The following DPP10 variants were observed in gnomAD, a reference collection of about 807,000 sequenced individuals.
DPP10 encodes the protein inactive dipeptidyl peptidase 10.
DPP10 carries 33 observed loss-of-function variants against 120.9 expected under a neutral mutation model. That is an observed-to-expected ratio of 0.27 (90% CI 0.21 to 0.37). The LOEUF (loss-of-function observed/expected upper bound fraction) is 0.37, where lower values mean the gene tolerates loss of function less well. DPP10 is among the 10% of genes least tolerant of loss of function. The pLI is 1.00. For missense variants in DPP10, 816 were observed against 942.8 expected (o/e 0.87, Z 1.76); for synonymous variants, 337 against 326.1 (o/e 1.03, Z -0.36).
intron 1 of DPP10, among the ~76,000 whole-genome samples, chr2:115,036,824 C>T (rs1202199180): frequency 6.6e-6 from 1 of 151,836 alleles, no homozygotes; most frequent in African/African-American, 2.4e-5. Flanking sequence ...GAAAGAAACT[C>T]CCAAATTTCT....
chr2:115,802,834 G>T (rs1217322387), intron 19 of DPP10, among the ~76,000 whole-genome samples: 3 of 152,144 alleles, frequency 2.0e-5, no homozygotes, highest in Admixed American at 6.5e-5. Context: ...ATTTGCTGAA[G>T]AGTGCTTTAC....
intron 4 of DPP10, among the ~76,000 whole-genome samples, chr2:115,506,262 T>C (rs1212109811): frequency 6.6e-6 from 1 of 152,142 alleles, no homozygotes; most frequent in Non-Finnish European, 1.5e-5. Flanking sequence ...ATTAGTATTT[T>C]AGTTTGCTTG....
intron 4 of DPP10, among the ~76,000 whole-genome samples, chr2:115,519,645 A>T (rs559346970): frequency 1.3e-5 from 2 of 152,162 alleles, no homozygotes; most frequent in East Asian, 1.9e-4. Flanking sequence ...TATAAAAGCT[A>T]TTTGCTTCTT....
chr2:114,927,710 G>T (rs1695740014), intron 1 of DPP10, among the ~76,000 whole-genome samples: 1 of 152,172 alleles, frequency 6.6e-6, no homozygotes, highest in Non-Finnish European at 1.5e-5. Context: ...TCCATTTTGT[G>T]TTGCAATAAA....
chr2:115,300,535 C>T (rs964622677), intron 1 of DPP10, among the ~76,000 whole-genome samples: 2 of 152,090 alleles, frequency 1.3e-5, no homozygotes, highest in African/African-American at 4.8e-5. Flanking sequence ...AATAATGCTT[C>T]TGTGAACAGA....
At chr2:115,150,777 A>G (rs1319815699) in intron 1 of DPP10, among the ~76,000 whole-genome samples, 1 of 152,248 alleles carries the variant, frequency 6.6e-6, no homozygotes, top group Non-Finnish European at 1.5e-5. Context: ...GTTCGTAAGC[A>G]TAAAATACAT....
At chr2:114,878,516 T>C (rs1691340884) in intron 1 of DPP10, among the ~76,000 whole-genome samples, 4 of 152,116 alleles carry the variant, frequency 2.6e-5, no homozygotes, top group Admixed American at 1.3e-4. Context: ...TATAGAACAC[T>C]AAAACTTATT....
At chr2:114,983,368 G>GTATTAACTTATTAATTATTA (rs1700204137) in intron 1 of DPP10, among the ~76,000 whole-genome samples, 1 of 152,060 alleles carries the variant, frequency 6.6e-6, no homozygotes, top group Non-Finnish European at 1.5e-5. Flanking sequence ...CTTATTAATG[G>GTATTAACTTATTAATTATTA]ATATTGAATT....
intron 3 of DPP10, among the ~76,000 whole-genome samples, chr2:115,394,096 A>C (rs150401547): frequency 1.3e-3 from 192 of 152,304 alleles, no homozygotes; most frequent in African/African-American, 4.4e-3. Context: ...CCGTTCATCA[A>C]ATATATAAAG....
intron 2 of DPP10, among the ~76,000 whole-genome samples, chr2:115,336,275 C>T (rs1170335092): frequency 6.6e-6 from 1 of 151,902 alleles, no homozygotes; most frequent in Non-Finnish European, 1.5e-5. Context: ...AAATAGAGCA[C>T]AGAAAAGAAC....
At chr2:114,818,212 C>T (rs571620916) in intron 1 of DPP10, among the ~76,000 whole-genome samples, 2 of 152,006 alleles carry the variant, frequency 1.3e-5, no homozygotes, top group African/African-American at 4.8e-5. Flanking sequence ...TGACCATTAT[C>T]AATAAAAATG....
chr2:115,392,726 A>G (rs2067402402), intron 3 of DPP10, among the ~76,000 whole-genome samples: 1 of 152,144 alleles, frequency 6.6e-6, no homozygotes, highest in African/African-American at 2.4e-5. Context: ...GATTTAAATT[A>G]CAATGAATTT....
rs13425992 is a variant in DPP10 at position 114,919,258 on chromosome 2, C to G, written c.61-389981C>G. Among the ~76,000 whole-genome samples, 1,359 of 152,188 alleles carry G rather than the reference C, an allele frequency of 8.9e-3. 19 individuals carry two copies. Among genetic ancestry groups the G allele is most frequent in the African/African-American group, 0.031 (1,307 of 41,528 alleles). On this transcript the variant is annotated intron_variant, in intron 1 of 25. Transcript: ENST00000410059. ...ATTATGCAATTGGATGTGCATATCT[C>G]TGGCTAGAAAAAAAATCAACTTGAA...
At chr2:115,817,247 A>G (rs776532089) in intron 21 of DPP10, among the ~76,000 whole-genome samples, 33 of 152,052 alleles carry the variant, frequency 2.2e-4, no homozygotes, top group Non-Finnish European at 3.7e-4. Flanking sequence ...ACTCCGTCTC[A>G]AAATAAAATA....
At chr2:114,617,636 T>C (rs1426980158) in intron 1 of DPP10, among the ~76,000 whole-genome samples, 1 of 152,046 alleles carries the variant, frequency 6.6e-6, no homozygotes, top group African/African-American at 2.4e-5. Flanking sequence ...ATTTCACTCA[T>C]TTAAAGGCTG....
At chr2:115,555,221 C>T (rs2080134254) in intron 5 of DPP10, among the ~76,000 whole-genome samples, 1 of 152,054 alleles carries the variant, frequency 6.6e-6, no homozygotes, top group African/African-American at 2.4e-5. Flanking sequence ...TATGCTCTTT[C>T]CTGGAAACTT....
chr2:115,296,047 C>T (rs947772786), intron 1 of DPP10, among the ~76,000 whole-genome samples: 6 of 152,024 alleles, frequency 3.9e-5, no homozygotes, highest in African/African-American at 1.2e-4. Context: ...CCTAAGAAAG[C>T]AAAATATTTA....
At chr2:114,737,127 A>G (rs183257433) in intron 1 of DPP10, among the ~76,000 whole-genome samples, 9 of 152,326 alleles carry the variant, frequency 5.9e-5, no homozygotes, top group Admixed American at 4.6e-4. Flanking sequence ...GAAATTCTTA[A>G]CGTTGGCATG....
intron 3 of DPP10, among the ~76,000 whole-genome samples, chr2:115,360,149 G>A (rs925308816): frequency 3.9e-5 from 6 of 152,186 alleles, no homozygotes; most frequent in Admixed American, 6.5e-5. Context: ...GAGTGCTAGT[G>A]TGATTGTTTT....
Sources: allele counts gnomAD v4.1 joint callset (sites outside exome capture counted in the v4.1 genomes callset), GRCh38; gene constraint gnomAD v4.1.1; transcripts MANE v1.5; gene names NCBI Gene and HGNC (gene_info 2026-07-23, HGNC 2026-07-21).